Variants in PAQR3 observed in about 807,000 individuals in gnomAD.
PAQR3 encodes progestin and adipoQ receptor family member 3, also known as Raf kinase trapping to Golgi.
In PAQR3, 39 loss-of-function variants were observed where a neutral mutation model predicts 41.7. That is an observed-to-expected ratio of 0.93 (90% CI 0.72 to 1.22). PAQR3 has a LOEUF of 1.22. Ranked by LOEUF, PAQR3 falls within the 50% of genes most tolerant of loss-of-function variation. PAQR3 has a pLI of 0.00. For synonymous variants in PAQR3, 140 were observed against 140.6 expected, an observed-to-expected ratio of 1.00 and a Z score of 0.03; for missense variants, 366 against 385.6, an observed-to-expected ratio of 0.95 and a Z score of 0.42.
chr4:78,911,883 C>T lies in PAQR3; in HGVS notation c.*8656G>A. On this transcript the variant is annotated 3_prime_UTR_variant, in exon 6 of 6. Coordinates refer to ENST00000512733, the MANE Select transcript of PAQR3 (RefSeq NM_001040202.2). ...GACAAAATTCACTACATGGGTCATT[C>T]CATAGTGCAGATGTATTGAAAATGG... is the stretch of plus-strand genomic sequence containing the variant. 4 of 1,613,980 alleles carry T rather than the reference C, an allele frequency of 2.5e-6. No individual in the cohort carries two copies. The highest frequency in any genetic ancestry group is 3.4e-6 in the Non-Finnish European group (4 of 1,179,892).
rs909528735 is a variant in PAQR3 at position 78,916,217 on chromosome 4, C to G, written c.*4322G>C. 6.6e-5 allele frequency: 10 copies of G among 151,830 alleles called. No homozygotes were observed. Among genetic ancestry groups the G allele is most frequent in the African/African-American group, 2.4e-4 (10 of 41,416 alleles). The allele number at this position is 151,830 out of a possible 1,614,324, so 9.4% of individuals were successfully genotyped here. A position where few individuals can be genotyped will look rare whatever the true frequency, so the allele number is the denominator to read the frequency against. On this transcript the variant is annotated 3_prime_UTR_variant, in exon 6 of 6. Transcript: ENST00000512733. ...TGATTTTATTACTTTATTGCCTTTA[C>G]ACTGCTTATTCTTTTTGACTGAATT...
chr4:78,919,192 C>T lies in PAQR3; in HGVS notation c.*1347G>A. The T allele has an allele frequency of 4.1e-6, 4 of 985,050 alleles. No homozygotes were observed. The highest frequency in any genetic ancestry group is 3.6e-6 in the Non-Finnish European group (3 of 829,714). 61.0% of individuals were successfully genotyped at this position (985,050 alleles called of 1,614,324 possible). On this transcript the variant is annotated 3_prime_UTR_variant, in exon 6 of 6. Transcript: ENST00000512733. ...GCATTTTGGGAATAAGCTTCATCAT[C>T]AATTAACATTTTTTCTGATATTCAG...
At position 78,918,632 on chromosome 4, in the gene PAQR3, T is replaced by C. The variant is rs1735332525; in HGVS notation, c.*1907A>G. The C allele has an allele frequency of 1.0e-6, 1 of 954,230 alleles. No individual in the cohort carries two copies. Among genetic ancestry groups the C allele is most frequent in the Non-Finnish European group, 1.2e-6 (1 of 802,030 alleles). The allele number at this position is 954,230 out of a possible 1,614,324, so 59.1% of individuals were successfully genotyped here. The stretch of plus-strand genomic sequence containing the variant: ...AACACAGTATACTCTTTTCATGTTA[T>C]TAATTCAAATGGCAAGTATGTATTC... On this transcript the variant is annotated 3_prime_UTR_variant, in exon 6 of 6. Coordinates refer to ENST00000512733, the MANE Select transcript of PAQR3 (RefSeq NM_001040202.2).
chr4:78,906,512 A>G (rs1276170394), intron 10 of PAQR3, among the ~76,000 whole-genome samples: 3 of 152,086 alleles, frequency 2.0e-5, no homozygotes, highest in African/African-American at 7.2e-5. Flanking sequence ...TCCATTTCTT[A>G]TACTGTGTTC....
chr4:78,910,833 A>T (rs761239283), downstream of PAQR3: 8 of 1,613,056 alleles, frequency 5.0e-6, no homozygotes, highest in East Asian at 4.5e-5. Flanking sequence ...AAGATGATGA[A>T]GAAGTTCTTC....
downstream of PAQR3, chr4:78,910,915 G>T (rs1296248740): frequency 1.2e-6 from 2 of 1,613,896 alleles, no homozygotes; most frequent in Non-Finnish European, 1.7e-6. Context: ...TCTCCTCATG[G>T]ATTCTGAAGA....
chr4:78,923,040 C>T (rs994190358), intron 5 of PAQR3: 3 of 450,030 alleles, frequency 6.7e-6, no homozygotes, highest in Non-Finnish European at 1.3e-5. Context: ...AACACAAAGA[C>T]TCTTAACTTT....
At chr4:78,895,981 T>C (rs1342071184) in intron 11 of PAQR3, among the ~76,000 whole-genome samples, 1 of 152,100 alleles carries the variant, frequency 6.6e-6, no homozygotes, top group Non-Finnish European at 1.5e-5. Context: ...AGGCTGATCT[T>C]GAATTTCTGG....
chr4:78,893,150 T>G (rs1481891881), intron 11 of PAQR3, among the ~76,000 whole-genome samples: 1 of 152,246 alleles, frequency 6.6e-6, no homozygotes, highest in Non-Finnish European at 1.5e-5. Flanking sequence ...ATATTCTAAA[T>G]TCTTGGAGTC....
At chr4:78,931,959 CAGG>C (rs1736953839) in intron 2 of PAQR3, among the ~76,000 whole-genome samples, 1 of 152,126 alleles carries the variant, frequency 6.6e-6, no homozygotes, top group South Asian at 2.1e-4. Flanking sequence ...AGGGCTGAAA[CAGG>C]AGGTTACAGA....
chr4:78,911,699 A>G, downstream of PAQR3: 2 of 1,613,880 alleles, frequency 1.2e-6, no homozygotes, highest in Non-Finnish European at 1.7e-6. Flanking sequence ...GCACTGACTG[A>G]TGGGAAAGAT....
At chr4:78,929,961 C>T (rs1202752767) in intron 3 of PAQR3, among the ~76,000 whole-genome samples, 1 of 151,710 alleles carries the variant, frequency 6.6e-6, no homozygotes, top group Non-Finnish European at 1.5e-5. Flanking sequence ...ATATATTTTC[C>T]AATAGAAAAT....
intron 3 of PAQR3, among the ~76,000 whole-genome samples, chr4:78,927,532 T>C (rs925855305): frequency 5.3e-5 from 8 of 152,248 alleles, no homozygotes; most frequent in African/African-American, 1.9e-4. Context: ...ATTTTTGAAA[T>C]AAGCTTAAGT....
intron 2 of PAQR3, chr4:78,933,144 C>G (rs908340251): frequency 1.3e-5 from 6 of 455,880 alleles, no homozygotes; most frequent in African/African-American, 1.2e-4. Context: ...CCCTGCCTCA[C>G]TGTCTCTTCT....
chr4:78,935,801 A>G (rs910731955), intron 1 of PAQR3, among the ~76,000 whole-genome samples: 1 of 152,232 alleles, frequency 6.6e-6, no homozygotes, highest in Non-Finnish European at 1.5e-5. Context: ...CAAATGCAAA[A>G]TTAAATGGAT....
At chr4:78,934,205 G>C (rs1486036485) in intron 2 of PAQR3, among the ~76,000 whole-genome samples, 11 of 152,166 alleles carry the variant, frequency 7.2e-5, no homozygotes, top group African/African-American at 2.7e-4. Flanking sequence ...TAATAAAAAA[G>C]GGGAAGAGAG....
intron 5 of PAQR3, chr4:78,922,354 CCTTT>C: frequency 3.1e-6 from 4 of 1,288,514 alleles, no homozygotes; most frequent in African/African-American, 1.5e-5. Context: ...GGTTTCTCAC[CCTTT>C]CTTCTTTCCC....
chr4:78,919,668 C>G lies in PAQR3; in HGVS notation c.*871G>C. ...CACCCACAATGCTGGGAACCCCCAC[C>G]ACTGGGATATTCAGGACTACAAATT... is the stretch of plus-strand genomic sequence containing the variant. On this transcript the variant is annotated 3_prime_UTR_variant, in exon 6 of 6. Coordinates refer to ENST00000512733, the MANE Select transcript of PAQR3 (RefSeq NM_001040202.2). 2.0e-6 allele frequency: 2 copies of G among 985,140 alleles called. No homozygotes were observed. The highest frequency in any genetic ancestry group is 2.4e-6 in the Non-Finnish European group (2 of 829,788). The allele number at this position is 985,140 out of a possible 1,614,324, so 61.0% of individuals were successfully genotyped here.
Position 78,935,293 on chromosome 4 carries a change from A to T in PAQR3, c.186-10T>A. 4 of 1,607,642 alleles carry T rather than the reference A, an allele frequency of 2.5e-6. No homozygotes were observed. The highest frequency in any genetic ancestry group is 3.4e-6 in the Non-Finnish European group (4 of 1,178,084). On this transcript the variant is annotated splice_polypyrimidine_tract_variant and intron_variant, in intron 1 of 5. Transcript: ENST00000512733. ...AGATAAAATAAACAAACTGGAAAAT[A>T]AACACACATGCAACTGAGATTCACA...
Sources: allele counts gnomAD v4.1 joint callset (sites outside exome capture counted in the v4.1 genomes callset), GRCh38; gene constraint gnomAD v4.1.1; transcripts MANE v1.5; gene names NCBI Gene and HGNC (gene_info 2026-07-23, HGNC 2026-07-21).